KIF26B: variants seen among roughly 807,000 people sequenced by gnomAD.
The protein encoded by KIF26B is kinesin family member 26B.
A neutral mutation model predicts 151.2 loss-of-function variants in KIF26B; 63 were observed. The observed-to-expected ratio is 0.42, with a 90% CI of 0.34 to 0.51. The LOEUF is 0.51. KIF26B is among the 20% of genes least tolerant of loss of function. KIF26B has a pLI of 0.07. For missense variants in KIF26B, 2,813 were observed against 2,913.6 expected (o/e 0.97, Z 0.79); for synonymous variants, 1,357 against 1,262.1 (o/e 1.08, Z -1.59).
chr1:245,604,840 C>G (rs1366683364), intron 6 of KIF26B, among the ~76,000 whole-genome samples: 1 of 152,188 alleles, frequency 6.6e-6, no homozygotes, highest in Non-Finnish European at 1.5e-5. Flanking sequence ...GTTTTCAAGA[C>G]ATTTCGTAGA....
intron 9 of KIF26B, among the ~76,000 whole-genome samples, chr1:245,621,714 C>T (rs368277158): frequency 1.4e-4 from 21 of 152,304 alleles, no homozygotes; most frequent in Middle Eastern, 3.4e-3. Flanking sequence ...CCCCAGCCGC[C>T]GGAAGTGATG....
In KIF26B at chr1:245,453,121, G is replaced by A. The variant is rs139037733; in HGVS notation, c.1166+33376G>A. Among the ~76,000 whole-genome samples, 843 of 152,192 alleles carry A rather than the reference G, an allele frequency of 5.5e-3. 4 individuals are homozygous for A. Among genetic ancestry groups the A allele is most frequent in the Middle Eastern group, 0.021 (6 of 292 alleles). On this transcript the variant is annotated intron_variant, in intron 4 of 14. Transcript: ENST00000407071. Reference sequence around the variant, plus strand: ...AATTTTTTGTGTATGGTGTGAGGTAGGGGCCCAACTTCATTCCTTTGCATG... The same window carrying A: ...AATTTTTTGTGTATGGTGTGAGGTAAGGGCCCAACTTCATTCCTTTGCATG...
chr1:245,248,171 C>A (rs563484687), intron 2 of KIF26B, among the ~76,000 whole-genome samples: 1 of 151,974 alleles, frequency 6.6e-6, no homozygotes, highest in East Asian at 1.9e-4. Context: ...ACTTTTATAC[C>A]CCAAAATAAC....
chr1:245,254,683 T>C (rs974681909), intron 2 of KIF26B, among the ~76,000 whole-genome samples: 1 of 152,182 alleles, frequency 6.6e-6, no homozygotes, highest in African/African-American at 2.4e-5. Context: ...AGTTACGTGC[T>C]ATGACATCAC....
chr1:245,687,841 G>A lies in KIF26B; in HGVS notation c.4858G>A (p.Gly1620Ser), dbSNP rs1333774302. 3.1e-6 allele frequency: 5 copies of A among 1,594,722 alleles called. No individual in the cohort carries two copies. In the South Asian group the frequency reaches 3.4e-5, roughly 11 times the overall value. The change falls in exon 12 of 15, where the codon GGC (glycine) becomes AGC (serine). Residue 1620 changes from glycine (G) to serine (S), a missense_variant. Around this residue, in one of 3 missense-constraint regions of KIF26B, gnomAD observed 2,060 missense variants for 2,088.6 expected, o/e 0.99. Coordinates refer to ENST00000407071, the MANE Select transcript of KIF26B (RefSeq NM_018012.4). The surrounding 1 kb of genome is among the most constrained non-coding windows in gnomAD (Gnocchi z 4.9). ...NRASPQHSAS[G>S]SGTSSPLNQP... Reference sequence around the variant, plus strand: ...GGCCAGCCCTCAGCACAGTGCCAGCGGCAGCGGCACCAGCAGCCCCCTGAA... The same window carrying A: ...GGCCAGCCCTCAGCACAGTGCCAGCAGCAGCGGCACCAGCAGCCCCCTGAA...
chr1:245,625,854 G>A (rs1162201057), intron 9 of KIF26B, among the ~76,000 whole-genome samples: 1 of 140,420 alleles, frequency 7.1e-6, no homozygotes, highest in Non-Finnish European at 1.5e-5. Flanking sequence ...CTCTCTACCT[G>A]CATGAGATCA....
At chr1:245,235,191 G>A (rs1052556878) in intron 2 of KIF26B, among the ~76,000 whole-genome samples, 3 of 152,154 alleles carry the variant, frequency 2.0e-5, no homozygotes, top group African/African-American at 7.2e-5. Flanking sequence ...TTACTCTCTT[G>A]CTTTAAGGTT....
At chr1:245,581,263 A>G (rs1281289274) in intron 5 of KIF26B, among the ~76,000 whole-genome samples, 2 of 152,252 alleles carry the variant, frequency 1.3e-5, no homozygotes, top group African/African-American at 4.8e-5. Context: ...TATCACCTGG[A>G]TAAGTATTCA....
chr1:245,298,754 T>A (rs1023182040), intron 2 of KIF26B, among the ~76,000 whole-genome samples: 11 of 152,186 alleles, frequency 7.2e-5, no homozygotes, highest in Admixed American at 6.5e-4. Flanking sequence ...GTCATAGCAG[T>A]GTGTGGAAAG....
At position 245,687,197 on chromosome 1, in the gene KIF26B, A is replaced by G; in HGVS notation, c.4214A>G (p.Gln1405Arg). 2 of 1,612,966 alleles carry G rather than the reference A, an allele frequency of 1.2e-6. No homozygotes were observed. The highest frequency in any genetic ancestry group is 2.2e-5 in the South Asian group (2 of 90,916). The change falls in exon 12 of 15, where the codon CAA becomes CGA. Residue 1405 changes from glutamine (Q) to arginine (R), a missense_variant. Around this residue, in one of 3 missense-constraint regions of KIF26B, gnomAD observed 2,060 missense variants for 2,088.6 expected, o/e 0.99. Transcript: ENST00000407071. This position sits in a 1 kb window ranked among gnomAD's most constrained non-coding sequence, Gnocchi z 4.9. The stretch of plus-strand genomic sequence containing the variant: ...ATTGCCATGAGCCCCCGGAACATCC[A>G]AGAGCCGGAGGCCCCCACCGCCACC... ...PCIAMSPRNI[Q>R]EPEAPTATPK...
intron 12 of KIF26B, among the ~76,000 whole-genome samples, chr1:245,690,698 G>C (rs993292854): frequency 4.6e-5 from 7 of 152,186 alleles, no homozygotes; most frequent in Admixed American, 2.0e-4. Context: ...AGCATGGTAG[G>C]GAATCATCGT....
At chr1:245,466,631 ACT>A (rs758611568) in intron 4 of KIF26B, among the ~76,000 whole-genome samples, 34 of 151,886 alleles carry the variant, frequency 2.2e-4, no homozygotes, top group Non-Finnish European at 4.1e-4. Context: ...TGCTTTAAAA[ACT>A]CTCTGGTTCC....
chr1:245,240,802 A>G (rs1670200561), intron 2 of KIF26B, among the ~76,000 whole-genome samples: 2 of 152,208 alleles, frequency 1.3e-5, no homozygotes, highest in South Asian at 4.1e-4. Flanking sequence ...GGGACCTGCC[A>G]GAGGGAGGCT....
In KIF26B at chr1:245,546,073, C is replaced by T. The variant is rs573985572; in HGVS notation, c.1350+5123C>T. Among the ~76,000 whole-genome samples, 105 of 152,332 alleles carry T rather than the reference C, an allele frequency of 6.9e-4. 1 individual carries two copies. In the South Asian group the frequency reaches 0.021, roughly 30 times the overall value. On this transcript the variant is annotated intron_variant, in intron 5 of 14. Coordinates refer to ENST00000407071, the MANE Select transcript of KIF26B (RefSeq NM_018012.4). The stretch of plus-strand genomic sequence containing the variant: ...TTTTAGGGTAGAAGTCATTCAGTTA[C>T]TAACTCCTTGTGACACTGTATGGAA...
At position 245,203,246 on chromosome 1, in the gene KIF26B, C is replaced by CAAAAAAAAAA. The variant is rs562600864; in HGVS notation, c.465+46567_465+46576dup. On this transcript the variant is annotated intron_variant, in intron 2 of 14. Coordinates refer to ENST00000407071, the MANE Select transcript of KIF26B (RefSeq NM_018012.4). ...TGGGTGACAGAGCGCGACTCTGTCT[C>CAAAAAAAAAA]AAAAAAAAAAAAAGAAAATGAGTTA... Among the ~76,000 whole-genome samples the CAAAAAAAAAA allele has an allele frequency of 4.9e-3, 144 of 29,444 alleles. 8 individuals carry two copies. The Middle Eastern group carries it at 0.11, about 22-fold the overall frequency. 19.3% of individuals were successfully genotyped at this position (29,444 alleles called of 152,430 possible). A position where few individuals can be genotyped will look rare whatever the true frequency, so the allele number is the denominator to read the frequency against.
chr1:245,576,890 T>C (rs746734468), intron 5 of KIF26B, among the ~76,000 whole-genome samples: 1 of 152,176 alleles, frequency 6.6e-6, no homozygotes, highest in African/African-American at 2.4e-5. Flanking sequence ...ACCTTGTTGA[T>C]AAAATGCCAT....
chr1:245,316,863 C>CAAGG (rs1671788956), intron 2 of KIF26B, among the ~76,000 whole-genome samples: 1 of 111,660 alleles, frequency 9.0e-6, no homozygotes, highest in South Asian at 2.6e-4. Context: ...CTTCAAGGGA[C>CAAGG]AAAAACCTGC....
Position 245,419,729 on chromosome 1 carries a change from G to A in KIF26B, c.1150G>A (p.Ala384Thr), listed in dbSNP as rs1389384417. The A allele has an allele frequency of 9.3e-6, 15 of 1,611,394 alleles. No individual in the cohort carries two copies. In the Admixed American group the frequency reaches 1.3e-4, roughly 14 times the overall value. Residue 384 changes from alanine to threonine, a missense_variant, in exon 4 of 15, where the codon GCC becomes ACC. Transcript: ENST00000407071. ...GACTTCCACAGGCACATCGGTGGCC[G>A]CCTCCTTCTTTGCACGGTAAGAGAG... Reference protein sequence around the residue: ...SETSTGTSVAASFFARAAQKL... With the variant: ...SETSTGTSVATSFFARAAQKL...
At chr1:245,353,451 G>C (rs879453840) in intron 2 of KIF26B, among the ~76,000 whole-genome samples, 5 of 152,208 alleles carry the variant, frequency 3.3e-5, no homozygotes, top group Non-Finnish European at 5.9e-5. Flanking sequence ...AGGGGCGGTA[G>C]GGGTGGCACA....
Sources: allele counts gnomAD v4.1 joint callset (sites outside exome capture counted in the v4.1 genomes callset), GRCh38; gene constraint gnomAD v4.1.1; regional missense constraint gnomAD v4.1.1; non-coding constraint Gnocchi (gnomAD v3.1); transcripts MANE v1.5; gene names NCBI Gene and HGNC (gene_info 2026-07-23, HGNC 2026-07-21).